The following SPECC1 variants were observed in gnomAD, a reference collection of about 807,000 sequenced individuals.
SPECC1 encodes the protein sperm antigen with calponin homology and coiled-coil domains 1.
In SPECC1, 62 loss-of-function variants were observed where a neutral mutation model predicts 104.1. The ratio of observed to expected loss-of-function variants is 0.60; its 90% CI spans 0.49 to 0.74. The LOEUF is 0.74. Ranked by LOEUF, SPECC1 falls within the 30% of genes least tolerant of loss-of-function variation. SPECC1 has a pLI of 0.00. For synonymous variants in SPECC1, 513 were observed against 501.6 expected, an observed-to-expected ratio of 1.02 and a Z score of -0.30; for missense variants, 1,306 against 1,310.5, an observed-to-expected ratio of 1.00 and a Z score of 0.05.
intron 1 of SPECC1, among the ~76,000 whole-genome samples, chr17:20,053,619 A>T (rs1229635087): frequency 1.3e-5 from 2 of 152,144 alleles, no homozygotes; most frequent in Non-Finnish European, 2.9e-5. Flanking sequence ...GATGGGGAGG[A>T]TGTTCCAGCA....
intron 3 of SPECC1, among the ~76,000 whole-genome samples, chr17:20,196,474 T>C (rs1207497849): frequency 6.6e-6 from 1 of 151,970 alleles, no homozygotes; most frequent in African/African-American, 2.4e-5. Flanking sequence ...AGAGTCATAG[T>C]GGCATTTTAT....
intron 3 of SPECC1, among the ~76,000 whole-genome samples, chr17:20,196,989 T>C (rs2036082051): frequency 6.6e-6 from 1 of 152,238 alleles, no homozygotes; most frequent in Admixed American, 6.5e-5. Flanking sequence ...TAAGCACTTA[T>C]TTTTGTTTCA....
At chr17:20,287,242 C>T (rs1450724404) in intron 12 of SPECC1, among the ~76,000 whole-genome samples, 3 of 151,996 alleles carry the variant, frequency 2.0e-5, no homozygotes, top group African/African-American at 7.2e-5. Context: ...AAGGTGAAAC[C>T]CCGTCTCTAC....
intron 4 of SPECC1, among the ~76,000 whole-genome samples, chr17:20,211,708 C>G (rs909466414): frequency 1.3e-5 from 2 of 152,190 alleles, no homozygotes; most frequent in African/African-American, 2.4e-5. Context: ...TTGGTGGAGA[C>G]AGTCAGATAG....
rs200733992 is a variant in SPECC1 at position 20,232,167 on chromosome 17, G to A, written c.2146-33G>A. ...TGCCCAGGCACTGGCCCTGGCAGGC[G>A]TCTGACATAAGGATGGGCTCTGACA... On this transcript the variant is annotated intron_variant, in intron 6 of 14. Coordinates refer to ENST00000395527, the MANE Select transcript of SPECC1 (RefSeq NM_001243439.2). 2.4e-3 allele frequency: 3,852 copies of A among 1,612,000 alleles called. 7 individuals are homozygous for A. Among genetic ancestry groups the A allele is most frequent in the Non-Finnish European group, 2.9e-3 (3,415 of 1,179,212 alleles).
chr17:20,185,292 G>C (rs2035189093), intron 3 of SPECC1: 2 of 152,294 alleles, frequency 1.3e-5, no homozygotes, highest in African/African-American at 4.8e-5. Flanking sequence ...AACCGCTTCA[G>C]CTGGTAGAAG....
intron 1 of SPECC1, among the ~76,000 whole-genome samples, chr17:20,047,031 T>C (rs2045566326): frequency 6.6e-6 from 1 of 152,144 alleles, no homozygotes; most frequent in Non-Finnish European, 1.5e-5. Context: ...GAGATGTTGG[T>C]AGATGGGACC....
At chr17:20,021,940 T>C (rs530068354) in intron 1 of SPECC1, among the ~76,000 whole-genome samples, 2 of 149,506 alleles carry the variant, frequency 1.3e-5, no homozygotes, top group South Asian at 2.1e-4. Context: ...ATTATAATTA[T>C]AATTATTATT....
intron 1 of SPECC1, among the ~76,000 whole-genome samples, chr17:20,050,458 T>G (rs1203292073): frequency 6.6e-6 from 1 of 152,250 alleles, no homozygotes; most frequent in Non-Finnish European, 1.5e-5. Flanking sequence ...TTTTAAAATT[T>G]AGGCTTAAAA....
chr17:20,241,824 G>C (rs934765629), intron 7 of SPECC1, among the ~76,000 whole-genome samples: 2 of 152,136 alleles, frequency 1.3e-5, no homozygotes, highest in African/African-American at 4.8e-5. Context: ...TGTTAGATTT[G>C]TTTTATGCAA....
At chr17:20,194,234 C>T (rs1428366215) in intron 3 of SPECC1, among the ~76,000 whole-genome samples, 1 of 152,088 alleles carries the variant, frequency 6.6e-6, no homozygotes, top group Admixed American at 6.6e-5. Flanking sequence ...CCCTCAAATA[C>T]CTATGAGTTG....
At chr17:20,209,229 G>C (rs938382029) in intron 4 of SPECC1, among the ~76,000 whole-genome samples, 3 of 152,146 alleles carry the variant, frequency 2.0e-5, no homozygotes, top group Non-Finnish European at 4.4e-5. Context: ...CGGAGTAACT[G>C]TCCTGTTGAG....
In SPECC1 at chr17:20,180,745, C is replaced by T. The variant is rs983281775; in HGVS notation, c.284-23588C>T. On this transcript the variant is annotated intron_variant, in intron 3 of 14. Transcript: ENST00000395527. ...AAATATATTTGTAGCTTGCTTGCAGCCTGCCAGTTTTCAACCTTTGAAACA... is the reference window on the plus strand; with the variant it reads ...AAATATATTTGTAGCTTGCTTGCAGTCTGCCAGTTTTCAACCTTTGAAACA... Among the ~76,000 whole-genome samples the T allele has an allele frequency of 7.9e-5, 12 of 152,276 alleles. No homozygotes were observed. The South Asian group carries it at 2.3e-3, about 29-fold the overall frequency.
intron 12 of SPECC1, among the ~76,000 whole-genome samples, chr17:20,293,058 C>T (rs1295320897): frequency 6.6e-6 from 1 of 152,176 alleles, no homozygotes; most frequent in Non-Finnish European, 1.5e-5. Context: ...CTATGTCATT[C>T]AGGTAAACCC....
At chr17:20,176,088 T>C (rs1479987797) in intron 3 of SPECC1, among the ~76,000 whole-genome samples, 5 of 152,234 alleles carry the variant, frequency 3.3e-5, no homozygotes, top group Admixed American at 1.3e-4. Context: ...AAAATTCTTA[T>C]CCTGGCTTCC....
At chr17:20,274,092 C>G (rs1265730932) in intron 12 of SPECC1, among the ~76,000 whole-genome samples, 1 of 152,176 alleles carries the variant, frequency 6.6e-6, no homozygotes, top group Non-Finnish European at 1.5e-5. Context: ...AATACACACA[C>G]CCTTTTGTTC....
At chr17:20,284,595 A>G (rs978664129) in intron 12 of SPECC1, among the ~76,000 whole-genome samples, 7 of 152,232 alleles carry the variant, frequency 4.6e-5, no homozygotes, top group Admixed American at 1.3e-4. Context: ...TTATGTGTGC[A>G]TTTGCTTTGT....
chr17:20,058,087 G>C (rs2046035776), intron 1 of SPECC1, among the ~76,000 whole-genome samples: 1 of 152,098 alleles, frequency 6.6e-6, no homozygotes, highest in Non-Finnish European at 1.5e-5. Context: ...GGCTGTTCCA[G>C]ATAATGATTA....
Position 20,299,275 on chromosome 17 carries a change from C to T in SPECC1, c.3057+2198C>T, listed in dbSNP as rs559590655. On this transcript the variant is annotated intron_variant, in intron 13 of 14. Coordinates refer to ENST00000395527, the MANE Select transcript of SPECC1 (RefSeq NM_001243439.2). ...CCTGCTTTAAATGTTAAACTTGGGC[C>T]ATGTGTGGGGGCTCATACTTGTAAT... Among the ~76,000 whole-genome samples, 6 of 151,968 alleles carry T rather than the reference C, an allele frequency of 3.9e-5. 1 individual carries two copies. In the East Asian group the frequency reaches 7.8e-4, roughly 20 times the overall value.
Sources: allele counts gnomAD v4.1 joint callset (sites outside exome capture counted in the v4.1 genomes callset), GRCh38; gene constraint gnomAD v4.1.1; transcripts MANE v1.5; gene names NCBI Gene and HGNC (gene_info 2026-07-23, HGNC 2026-07-21).